The following NAALADL2 variants were observed in gnomAD, a reference collection of about 807,000 sequenced individuals.
The protein encoded by NAALADL2 is inactive N-acetylated-alpha-linked acidic dipeptidase-like protein 2.
In NAALADL2, 76 loss-of-function variants were observed where a neutral mutation model predicts 87.2. The ratio of observed to expected loss-of-function variants is 0.87; its 90% CI spans 0.72 to 1.05. The LOEUF (loss-of-function observed/expected upper bound fraction) is 1.05, where lower values mean the gene tolerates loss of function less well. Among genes scored for constraint, NAALADL2 ranks in the 50% least tolerant of loss-of-function variants. NAALADL2 has a pLI of 0.00. For synonymous variants in NAALADL2, 354 were observed against 331.0 expected, an observed-to-expected ratio of 1.07 and a Z score of -0.75; for missense variants, 1,089 against 945.8, an observed-to-expected ratio of 1.15 and a Z score of -1.99.
At chr3:174,713,982 G>A (rs1406288044) in intron 2 of NAALADL2, among the ~76,000 whole-genome samples, 1 of 152,060 alleles carries the variant, frequency 6.6e-6, no homozygotes, top group South Asian at 2.1e-4. Context: ...TTTATATAAG[G>A]TGTGAGGAAG....
intron 3 of NAALADL2, 33 bp from the exon 4 acceptor site, chr3:175,256,378 C>T (rs573657532): frequency 6.3e-7 from 1 of 1,579,324 alleles, no homozygotes; most frequent in Admixed American, 1.9e-5. Context: ...TCCTCTGAGG[C>T]TTTATTTTTC....
chr3:175,666,296 G>A (rs992406346), intron 11 of NAALADL2, among the ~76,000 whole-genome samples: 2 of 152,032 alleles, frequency 1.3e-5, no homozygotes, highest in Non-Finnish European at 2.9e-5. Context: ...GAGAAAGGAG[G>A]TAGAACTGAG....
chr3:175,214,345 C>G (rs57777767), intron 2 of NAALADL2, among the ~76,000 whole-genome samples: 12,369 of 152,134 alleles, frequency 0.081, 1,377 homozygotes, highest in African/African-American at 0.24. Context: ...GCTGAACTTT[C>G]AGCAATGCTG....
At chr3:175,370,861 G>A (rs1766391480) in intron 5 of NAALADL2, among the ~76,000 whole-genome samples, 1 of 152,170 alleles carries the variant, frequency 6.6e-6, no homozygotes, top group South Asian at 2.1e-4. Flanking sequence ...GAGGCTTTCA[G>A]AGCATAAAGG....
intron 1 of NAALADL2, among the ~76,000 whole-genome samples, chr3:174,978,821 C>T (rs1056297297): frequency 6.6e-6 from 1 of 151,952 alleles, no homozygotes; most frequent in African/African-American, 2.4e-5. Context: ...TTAAGAAGAG[C>T]CCAAGAAATG....
chr3:175,688,874 G>T (rs1736674865), intron 11 of NAALADL2, among the ~76,000 whole-genome samples: 2 of 152,284 alleles, frequency 1.3e-5, no homozygotes, highest in Admixed American at 6.5e-5. Context: ...TAAAGAGCAA[G>T]ACCAGCCAGG....
At chr3:175,454,859 A>G (rs1189430305) in intron 6 of NAALADL2, among the ~76,000 whole-genome samples, 2 of 152,036 alleles carry the variant, frequency 1.3e-5, no homozygotes, top group African/African-American at 4.8e-5. Flanking sequence ...AATTGTGTAG[A>G]TTGATTGGCA....
intron 11 of NAALADL2, among the ~76,000 whole-genome samples, chr3:175,684,166 A>AG (rs903200318): frequency 6.6e-6 from 1 of 151,710 alleles, no homozygotes; most frequent in Admixed American, 6.6e-5. Flanking sequence ...AAAAAAAAAA[A>AG]GAATTTACAA....
At chr3:175,688,705 AG>A (rs1736652782) in intron 11 of NAALADL2, among the ~76,000 whole-genome samples, 1 of 152,116 alleles carries the variant, frequency 6.6e-6, no homozygotes, top group South Asian at 2.1e-4. Flanking sequence ...GGGAAGGGCT[AG>A]GAGTGGAAAA....
At chr3:174,894,436 C>CA (rs925362233) in intron 1 of NAALADL2, among the ~76,000 whole-genome samples, 8 of 150,402 alleles carry the variant, frequency 5.3e-5, no homozygotes, top group African/African-American at 2.0e-4. Flanking sequence ...GCTAAAAATA[C>CA]AAAAAAAATT....
intron 1 of NAALADL2, among the ~76,000 whole-genome samples, chr3:174,920,234 C>A (rs968941223): frequency 2.6e-5 from 4 of 152,196 alleles, no homozygotes; most frequent in Non-Finnish European, 5.9e-5. Context: ...GGCATCGACT[C>A]CTCCTCTCTA....
At chr3:174,892,853 T>A (rs1339576053) in intron 1 of NAALADL2, among the ~76,000 whole-genome samples, 1 of 142,296 alleles carries the variant, frequency 7.0e-6, no homozygotes, top group African/African-American at 2.7e-5. Context: ...ACCTGAGAGG[T>A]GGAGGTTGCA....
chr3:174,580,113 T>A lies in NAALADL2; in HGVS notation c.-115+29476T>A, dbSNP rs1331896740. Among the ~76,000 whole-genome samples the A allele has an allele frequency of 5.3e-5, 8 of 151,794 alleles. No homozygotes were observed. The South Asian group carries it at 1.0e-3, about 20-fold the overall frequency. The stretch of plus-strand genomic sequence containing the variant: ...ACATTGTTTTTTTCCTGAAAAAAAA[T>A]AAGGAAAAATGTGTAAGGATATAAA... On this transcript the variant is annotated intron_variant, in intron 2 of 3. Transcript: ENST00000434257.
intron 11 of NAALADL2, chr3:175,675,841 T>A (rs1377573957): frequency 1.3e-5 from 2 of 152,206 alleles, no homozygotes; most frequent in Non-Finnish European, 2.9e-5. Flanking sequence ...TTTCCTTTTT[T>A]CATTAGACAA....
At position 174,935,023 on chromosome 3, in the gene NAALADL2, T is replaced by C. The variant is rs564202010; in HGVS notation, c.43+75573T>C. ...ATGAACTGTCCTGCCTAGCATAAGA[T>C]TAAGGTCTCACTTTTCCATTTCTAG... On this transcript the variant is annotated intron_variant, in intron 1 of 13. Coordinates refer to ENST00000454872, the MANE Select transcript of NAALADL2 (RefSeq NM_207015.3). Among the ~76,000 whole-genome samples, 7 of 152,238 alleles carry C rather than the reference T, an allele frequency of 4.6e-5. No homozygotes were observed. In the East Asian group the frequency reaches 1.4e-3, roughly 29 times the overall value.
At chr3:175,081,876 T>C (rs952646557) in intron 1 of NAALADL2, among the ~76,000 whole-genome samples, 2 of 152,226 alleles carry the variant, frequency 1.3e-5, no homozygotes, top group African/African-American at 4.8e-5. Flanking sequence ...ATTGTACGCA[T>C]ATTGTTATTG....
chr3:175,396,705 G>C (rs982985182), intron 5 of NAALADL2, among the ~76,000 whole-genome samples: 3 of 152,114 alleles, frequency 2.0e-5, no homozygotes, highest in African/African-American at 7.2e-5. Context: ...GGAGGGACAT[G>C]GTGGGAGGTA....
At chr3:175,485,116 C>T (rs375850131) in intron 9 of NAALADL2, among the ~76,000 whole-genome samples, 1 of 152,138 alleles carries the variant, frequency 6.6e-6, no homozygotes, top group African/African-American at 2.4e-5. Context: ...CCTCTCTTAG[C>T]TTCAGTTTTG....
At chr3:175,722,119 C>T (rs116607753) in intron 11 of NAALADL2, among the ~76,000 whole-genome samples, 93 of 152,140 alleles carry the variant, frequency 6.1e-4, no homozygotes, top group African/African-American at 2.2e-3. Context: ...CAGTTCTGGT[C>T]TTGCCAAAAA....
Sources: allele counts gnomAD v4.1 joint callset (sites outside exome capture counted in the v4.1 genomes callset), GRCh38; gene constraint gnomAD v4.1.1; transcripts MANE v1.5; gene names NCBI Gene and HGNC (gene_info 2026-07-23, HGNC 2026-07-21).